LPP: variants seen among roughly 807,000 people sequenced by gnomAD.
LPP encodes the protein LIM domain containing preferred translocation partner in lipoma.
In LPP, 38 loss-of-function variants were observed where a neutral mutation model predicts 60.4. The observed-to-expected ratio is 0.63, with a 90% CI of 0.49 to 0.83. The LOEUF is 0.83. LPP is among the 40% of genes least tolerant of loss of function. LPP has a pLI of 0.00. For missense variants in LPP, 902 were observed against 783.6 expected (o/e 1.15, Z -1.80); for synonymous variants, 328 against 290.8 (o/e 1.13, Z -1.30).
intron 9 of LPP, among the ~76,000 whole-genome samples, chr3:188,764,101 A>C (rs1733267942): frequency 6.6e-6 from 1 of 152,116 alleles, no homozygotes; most frequent in South Asian, 2.1e-4. Flanking sequence ...TTCTTTGGTG[A>C]TATGTCTCTT....
At chr3:188,591,352 T>C (rs1160129457) in intron 6 of LPP, among the ~76,000 whole-genome samples, 1 of 152,222 alleles carries the variant, frequency 6.6e-6, no homozygotes, top group Non-Finnish European at 1.5e-5. Flanking sequence ...TTTATCTGCC[T>C]TTGTTCTGAA....
At chr3:188,535,041 A>G (rs1367517677) in intron 6 of LPP, among the ~76,000 whole-genome samples, 1 of 141,326 alleles carries the variant, frequency 7.1e-6, no homozygotes, top group Non-Finnish European at 1.6e-5. Flanking sequence ...GGAACTATTG[A>G]AATGAAATAT....
intron 5 of LPP, among the ~76,000 whole-genome samples, chr3:188,512,201 T>C (rs1197712516): frequency 6.6e-6 from 1 of 152,210 alleles, no homozygotes; most frequent in Non-Finnish European, 1.5e-5. Context: ...TGTTCAAACA[T>C]CTTTTATCTG....
chr3:188,267,769 G>A (rs969542055), intron 2 of LPP, among the ~76,000 whole-genome samples: 1 of 152,136 alleles, frequency 6.6e-6, no homozygotes, highest in Non-Finnish European at 1.5e-5. Flanking sequence ...TCTTGACATG[G>A]GCTTTGATGA....
chr3:188,216,000 TC>T (rs1280895853), intron 1 of LPP, among the ~76,000 whole-genome samples: 2 of 152,218 alleles, frequency 1.3e-5, no homozygotes, highest in Non-Finnish European at 2.9e-5. Context: ...AAAGCTCACC[TC>T]TAGCAAATGG....
intron 3 of LPP, among the ~76,000 whole-genome samples, chr3:188,360,880 A>T (rs1257394058): frequency 6.6e-6 from 1 of 152,194 alleles, no homozygotes; most frequent in Non-Finnish European, 1.5e-5. Context: ...TAAAATAATT[A>T]TTCCATTTCC....
intron 3 of LPP, among the ~76,000 whole-genome samples, chr3:188,347,834 C>T (rs927721322): frequency 1.3e-5 from 2 of 152,172 alleles, no homozygotes; most frequent in Non-Finnish European, 2.9e-5. Context: ...AATGGCAGTA[C>T]CTTCACCTTG....
intron 9 of LPP, among the ~76,000 whole-genome samples, chr3:188,828,572 G>A (rs943776354): frequency 1.6e-5 from 2 of 123,480 alleles, no homozygotes; most frequent in Non-Finnish European, 3.2e-5. Flanking sequence ...CAGAGATCAC[G>A]CCATTGCACT....
At position 188,880,822 on chromosome 3, in the gene LPP, C is replaced by T; in HGVS notation, c.*6343C>T. The T allele has an allele frequency of 5.6e-6, 1 of 179,884 alleles. No individual in the cohort carries two copies. The highest frequency in any genetic ancestry group is 1.2e-5 in the Non-Finnish European group (1 of 84,062). 11.1% of individuals were successfully genotyped at this position (179,884 alleles called of 1,614,324 possible). On this transcript the variant is annotated 3_prime_UTR_variant, in exon 12 of 12. Transcript: ENST00000617246. ...CACCATGTCATCTTGTGTTCTACAC[C>T]ACTATAGAGAGTTACAGTTGCCCCC... is the stretch of plus-strand genomic sequence containing the variant.
At chr3:188,203,518 T>A (rs1430331897) in intron 1 of LPP, among the ~76,000 whole-genome samples, 1 of 66,470 alleles carries the variant, frequency 1.5e-5, no homozygotes, top group East Asian at 3.7e-4. Flanking sequence ...TATATTTAAA[T>A]ATATATAAAT....
chr3:188,359,279 T>G (rs191176875), intron 3 of LPP, among the ~76,000 whole-genome samples: 13 of 152,292 alleles, frequency 8.5e-5, no homozygotes. Flanking sequence ...GCAAGCTGCA[T>G]CCGAGGTAAC....
chr3:188,619,628 A>C (rs1460644993), intron 7 of LPP, among the ~76,000 whole-genome samples: 3 of 152,232 alleles, frequency 2.0e-5, no homozygotes, highest in Non-Finnish European at 4.4e-5. Context: ...AGCTGAGAAG[A>C]TGCAACAGAG....
chr3:188,526,697 T>C (rs1820681950), intron 6 of LPP, among the ~76,000 whole-genome samples: 1 of 152,190 alleles, frequency 6.6e-6, no homozygotes, highest in South Asian at 2.1e-4. Flanking sequence ...TCTTCCTCAC[T>C]GACCCTGCTC....
In LPP at chr3:188,879,573, G is replaced by A. The variant is rs991936650; in HGVS notation, c.*5094G>A. The A allele has an allele frequency of 2.6e-5, 5 of 191,100 alleles. No homozygotes were observed. The highest frequency in any genetic ancestry group is 9.3e-5 in the African/African-American group (4 of 42,984). 11.8% of individuals were successfully genotyped at this position (191,100 alleles called of 1,614,324 possible). The stretch of plus-strand genomic sequence containing the variant: ...ATAGATTCTTGGAAAATTCATTTGT[G>A]ACTGATCTAGTTTTCTCAGCTGTAT... On this transcript the variant is annotated 3_prime_UTR_variant, in exon 12 of 12. Transcript: ENST00000617246.
intron 8 of LPP, among the ~76,000 whole-genome samples, chr3:188,724,408 T>G (rs902428028): frequency 6.6e-6 from 1 of 152,160 alleles, no homozygotes; most frequent in South Asian, 2.1e-4. Flanking sequence ...CTACTTTCCT[T>G]GGGGGATGTT....
intron 2 of LPP, among the ~76,000 whole-genome samples, chr3:188,319,736 A>G (rs7643706): frequency 0.14 from 20,810 of 152,248 alleles, 2,492 homozygotes; most frequent in East Asian, 0.32. Context: ...AACATCTTAT[A>G]TAACCAAAGT....
intron 6 of LPP, among the ~76,000 whole-genome samples, chr3:188,528,374 CT>C (rs1473273484): frequency 6.6e-6 from 1 of 151,220 alleles, no homozygotes. Context: ...TCATTTAAAT[CT>C]TTTTTTTCCT....
intron 1 of LPP, among the ~76,000 whole-genome samples, chr3:188,160,250 A>G (rs1163680507): frequency 6.7e-6 from 1 of 149,464 alleles, no homozygotes; most frequent in East Asian, 2.0e-4. Flanking sequence ...GCTGTAGTGC[A>G]ATGGCCCGAT....
intron 2 of LPP, among the ~76,000 whole-genome samples, chr3:188,272,470 C>T (rs1017607975): frequency 2.2e-4 from 33 of 152,242 alleles, no homozygotes; most frequent in African/African-American, 7.7e-4. Context: ...AGTCTAGTTC[C>T]ACCTAACGGT....
Sources: allele counts gnomAD v4.1 joint callset (sites outside exome capture counted in the v4.1 genomes callset), GRCh38; gene constraint gnomAD v4.1.1; transcripts MANE v1.5; gene names NCBI Gene and HGNC (gene_info 2026-07-23, HGNC 2026-07-21).